The following VAV3 variants were observed in gnomAD, a reference collection of about 807,000 sequenced individuals.
VAV3 encodes vav guanine nucleotide exchange factor 3.
Under a neutral mutation model 131.2 loss-of-function variants are expected in VAV3, and 94 were observed. The ratio of observed to expected loss-of-function variants is 0.72; its 90% CI spans 0.61 to 0.85. The LOEUF is 0.85. VAV3 is among the 40% of genes least tolerant of loss of function. The pLI is 0.00. For missense variants in VAV3, 939 were observed against 1,002.7 expected (o/e 0.94, Z 0.86); for synonymous variants, 349 against 342.0 (o/e 1.02, Z -0.22).
intron 15 of VAV3, among the ~76,000 whole-genome samples, chr1:107,746,845 G>A (rs1663376804): frequency 6.6e-6 from 1 of 151,386 alleles, no homozygotes; most frequent in African/African-American, 2.4e-5. Flanking sequence ...AAGGAGAGAA[G>A]TCAAATGCTG....
chr1:107,886,997 G>C (rs750755232), intron 1 of VAV3, among the ~76,000 whole-genome samples: 2 of 152,094 alleles, frequency 1.3e-5, no homozygotes, highest in Non-Finnish European at 2.9e-5. Flanking sequence ...AGGAAACAAA[G>C]AAAGTCTGTA....
chr1:107,772,237 C>A (rs1665090557), intron 5 of VAV3, among the ~76,000 whole-genome samples: 1 of 152,046 alleles, frequency 6.6e-6, no homozygotes, highest in Non-Finnish European at 1.5e-5. Context: ...ATGACAATAT[C>A]TGAAACTAAA....
chr1:107,644,157 T>A (rs578066388), intron 19 of VAV3, among the ~76,000 whole-genome samples: 1 of 152,288 alleles, frequency 6.6e-6, no homozygotes, highest in East Asian at 1.9e-4. Flanking sequence ...TTAACAGACT[T>A]GCTCTCAATA....
At chr1:107,784,038 T>C (rs754001473) in intron 2 of VAV3, among the ~76,000 whole-genome samples, 5 of 149,456 alleles carry the variant, frequency 3.3e-5, no homozygotes, top group Admixed American at 6.7e-5. Context: ...CCAGCCTGGG[T>C]GACAGAGCAA....
intron 19 of VAV3, among the ~76,000 whole-genome samples, chr1:107,653,142 A>G (rs967401149): frequency 1.3e-5 from 2 of 151,822 alleles, no homozygotes; most frequent in African/African-American, 2.4e-5. Context: ...TTATTGATTT[A>G]TAAGCTAAAA....
intron 1 of VAV3, among the ~76,000 whole-genome samples, chr1:107,918,705 ATTTT>A (rs66707621): frequency 1.0e-4 from 8 of 76,992 alleles, no homozygotes; most frequent in South Asian, 7.5e-4. Flanking sequence ...ATATATATAT[ATTTT>A]TTTTTTTTTT....
intron 2 of VAV3, among the ~76,000 whole-genome samples, chr1:107,819,956 A>G (rs1667725876): frequency 6.6e-6 from 1 of 152,222 alleles, no homozygotes; most frequent in Non-Finnish European, 1.5e-5. Context: ...GACAGGCAGT[A>G]ACAAATGCTG....
At chr1:107,893,826 G>T (rs1671441398) in intron 1 of VAV3, among the ~76,000 whole-genome samples, 1 of 152,128 alleles carries the variant, frequency 6.6e-6, no homozygotes, top group Admixed American at 6.5e-5. Context: ...ATATGGCATT[G>T]TTCTTCTTCA....
intron 1 of VAV3, among the ~76,000 whole-genome samples, chr1:107,892,843 C>T (rs1306663978): frequency 6.6e-6 from 1 of 152,142 alleles, no homozygotes; most frequent in East Asian, 1.9e-4. Context: ...CCTAGATTTC[C>T]CCCATCCCTA....
intron 15 of VAV3, among the ~76,000 whole-genome samples, chr1:107,730,236 A>G (rs1201015609): frequency 2.6e-5 from 4 of 152,224 alleles, no homozygotes; most frequent in Admixed American, 2.6e-4. Flanking sequence ...CAGCATTATC[A>G]TACTGTGTCC....
Position 107,617,286 on chromosome 1 carries a change from C to T in VAV3, c.1980+281G>A, listed in dbSNP as rs79574171. ...TGGGAAAGGGGAAACCTGTACAATG[C>T]GTCTAATTTGTAGCTGTGGTTTATT... On this transcript the variant is annotated intron_variant, in intron 21 of 26. Coordinates refer to ENST00000370056, the MANE Select transcript of VAV3 (RefSeq NM_006113.5). Among the ~76,000 whole-genome samples the T allele has an allele frequency of 8.4e-4, 127 of 151,998 alleles. 1 individual carries two copies. The highest frequency in any genetic ancestry group is 2.1e-4 in the Non-Finnish European group (14 of 68,004).
chr1:107,911,113 C>T (rs879788713), intron 1 of VAV3, among the ~76,000 whole-genome samples: 3 of 152,162 alleles, frequency 2.0e-5, no homozygotes, highest in Admixed American at 1.3e-4. Context: ...AGACTCCCTT[C>T]GCCTCCCAAC....
At chr1:107,951,708 C>T (rs370805461) in intron 1 of VAV3, among the ~76,000 whole-genome samples, 32 of 151,236 alleles carry the variant, frequency 2.1e-4, no homozygotes, top group Non-Finnish European at 2.9e-5. Flanking sequence ...AGTCAACAAG[C>T]ATATGAAAAA....
intron 15 of VAV3, among the ~76,000 whole-genome samples, chr1:107,731,024 C>T (rs1176687174): frequency 1.3e-5 from 2 of 152,130 alleles, no homozygotes; most frequent in African/African-American, 4.8e-5. Flanking sequence ...CTTTAAGAAT[C>T]AGATTGGGCA....
intron 15 of VAV3, among the ~76,000 whole-genome samples, chr1:107,718,159 C>T (rs996551235): frequency 6.6e-6 from 1 of 152,212 alleles, no homozygotes; most frequent in South Asian, 2.1e-4. Flanking sequence ...GACAGGGATG[C>T]CCTCTCTCAC....
At chr1:107,593,529 A>T (rs1651128889) in intron 25 of VAV3, among the ~76,000 whole-genome samples, 1 of 152,064 alleles carries the variant, frequency 6.6e-6, no homozygotes. Flanking sequence ...TTTCTGTCCA[A>T]CCCAGTATCC....
chr1:107,650,345 T>G (rs1034202377), intron 19 of VAV3, among the ~76,000 whole-genome samples: 2 of 151,966 alleles, frequency 1.3e-5, no homozygotes, highest in Non-Finnish European at 2.9e-5. Flanking sequence ...GATGTCTGAA[T>G]ATTCAGCTCA....
chr1:107,746,260 C>T (rs1663337048), intron 15 of VAV3, among the ~76,000 whole-genome samples: 2 of 152,152 alleles, frequency 1.3e-5, no homozygotes, highest in Non-Finnish European at 2.9e-5. Flanking sequence ...GATGCCTGCT[C>T]AGATTTTATT....
chr1:107,607,931 T>C (rs1223580705), intron 22 of VAV3, among the ~76,000 whole-genome samples: 1 of 152,186 alleles, frequency 6.6e-6, no homozygotes, highest in Non-Finnish European at 1.5e-5. Context: ...CTAAATAGTT[T>C]AGTATTTCTA....
Sources: allele counts gnomAD v4.1 joint callset (sites outside exome capture counted in the v4.1 genomes callset), GRCh38; gene constraint gnomAD v4.1.1; transcripts MANE v1.5; gene names NCBI Gene and HGNC (gene_info 2026-07-23, HGNC 2026-07-21).